Variants in MS4A15 observed in about 807,000 individuals in gnomAD.
MS4A15 encodes the protein membrane-spanning 4-domains subfamily A member 15.
MS4A15 carries 22 observed loss-of-function variants against 20.6 expected under a neutral mutation model. The ratio of observed to expected loss-of-function variants is 1.07; its 90% CI spans 0.76 to 1.52. MS4A15 has a LOEUF of 1.52. Ranked by LOEUF, MS4A15 falls within the 40% of genes most tolerant of loss-of-function variation. The pLI is 0.00. For missense variants in MS4A15, 312 were observed against 323.0 expected (o/e 0.97, Z 0.26); for synonymous variants, 129 against 129.3 (o/e 1.00, Z 0.02).
intron 1 of MS4A15, among the ~76,000 whole-genome samples, chr11:60,759,863 C>T (rs1853690166): frequency 6.6e-6 from 1 of 152,106 alleles, no homozygotes; most frequent in Admixed American, 6.6e-5. Context: ...GACCTTCTCC[C>T]CACCATCACC....
chr11:60,763,622 C>G, intron 1 of MS4A15, 84 bp from the exon 2 acceptor site: 1 of 1,157,572 alleles, frequency 8.6e-7, no homozygotes, highest in Non-Finnish European at 1.2e-6. Flanking sequence ...CTGCAGTAAG[C>G]AAGGGAAGTA....
intron 3 of MS4A15, among the ~76,000 whole-genome samples, chr11:60,768,844 C>T (rs1194500726): frequency 6.6e-6 from 1 of 152,144 alleles, no homozygotes; most frequent in South Asian, 2.1e-4. Flanking sequence ...AGTGTTGGTT[C>T]CAGAACCGAG....
At chr11:60,773,705 C>A in intron 5 of MS4A15, 132 bp from the exon 6 acceptor site, 1 of 834,748 alleles carries the variant, frequency 1.2e-6, no homozygotes, top group Non-Finnish European at 2.0e-6. Flanking sequence ...GCAGGACTGG[C>A]GGCAGGGGGA....
intron 1 of MS4A15, 59 bp from the exon 2 acceptor site, chr11:60,763,647 C>A: frequency 7.0e-7 from 1 of 1,421,630 alleles, no homozygotes; most frequent in South Asian, 1.2e-5. Context: ...CGTTGCTTAT[C>A]AACTAAAAAG....
chr11:60,773,336 C>T (rs1706575791), intron 4 of MS4A15, 56 bp from the exon 5 acceptor site: 1 of 1,477,938 alleles, frequency 6.8e-7, no homozygotes, highest in Admixed American at 1.9e-5. Context: ...ACAGCCCCTG[C>T]CTTTTCTCCT....
intron 1 of MS4A15, among the ~76,000 whole-genome samples, chr11:60,757,378 G>T (rs1005300152): frequency 6.6e-6 from 1 of 152,106 alleles, no homozygotes; most frequent in African/African-American, 2.4e-5. Context: ...CCTGGGCGCC[G>T]GTACACTCGG....
intron 5 of MS4A15, 117 bp from the exon 6 acceptor site, chr11:60,773,720 C>G: frequency 1.1e-6 from 1 of 914,008 alleles, no homozygotes; most frequent in South Asian, 1.4e-5. Flanking sequence ...GGGGGACTGG[C>G]TCCAGGCACA....
At chr11:60,763,993 T>C (rs368087188) in intron 2 of MS4A15, 35 bp downstream of exon 2, 158 of 1,566,864 alleles carry the variant, frequency 1.0e-4, no homozygotes, top group Non-Finnish European at 1.4e-4. Context: ...CTGAGGCAGG[T>C]AGTGAGTATC....
In MS4A15 at chr11:60,775,755, C is replaced by A. The variant is rs1287967408; in HGVS notation, c.*40C>A. ...ACCTGCGGGTGGAGTCCAGCCTTTT[C>A]CCTCTGGGCCCAGCCTCTCCCCACC... On this transcript the variant is annotated 3_prime_UTR_variant, in exon 7 of 7. Transcript: ENST00000405633. 1 of 1,532,900 alleles carries A rather than the reference C, an allele frequency of 6.5e-7. No homozygotes were observed. 95.0% of individuals were successfully genotyped at this position (1,532,900 alleles called of 1,614,324 possible). A position where few individuals can be genotyped will look rare whatever the true frequency, so the allele number is the denominator to read the frequency against.
intron 3 of MS4A15, among the ~76,000 whole-genome samples, 177 bp downstream of exon 3, chr11:60,767,832 A>G (rs1265369300): frequency 6.6e-6 from 1 of 152,134 alleles, no homozygotes; most frequent in African/African-American, 2.4e-5. Flanking sequence ...CGCTCACCAT[A>G]AACTTGAGCC....
At chr11:60,768,974 G>A (rs1012289241) in intron 3 of MS4A15, among the ~76,000 whole-genome samples, 1 of 152,172 alleles carries the variant, frequency 6.6e-6, no homozygotes, top group African/African-American at 2.4e-5. Context: ...TGGTCACCTG[G>A]CCATCCTTGG....
chr11:60,771,610 A>T lies in MS4A15; in HGVS notation c.405+263A>T, dbSNP rs1036162240. The T allele has an allele frequency of 5.4e-6, 8 of 1,489,880 alleles. No individual in the cohort carries two copies. In the African/African-American group the frequency reaches 9.7e-5, roughly 18 times the overall value. The allele number at this position is 1,489,880 out of a possible 1,614,324, so 92.3% of individuals were successfully genotyped here. On this transcript the variant is annotated intron_variant, in intron 4 of 6. Coordinates refer to ENST00000405633, the MANE Select transcript of MS4A15 (RefSeq NM_001098835.2). Reference sequence around the variant, plus strand: ...TCATGGTCATTCCGAGAAAGGAAAGATGCTAGAAGATCTCCTGTAAGAGTC... The same window carrying T: ...TCATGGTCATTCCGAGAAAGGAAAGTTGCTAGAAGATCTCCTGTAAGAGTC...
At chr11:60,771,435 C>G in intron 4 of MS4A15, 88 bp downstream of exon 4, 1 of 1,581,994 alleles carries the variant, frequency 6.3e-7, no homozygotes, top group Non-Finnish European at 8.6e-7. Context: ...CTCACTCCTT[C>G]AGCTCATTCC....
rs1854176571 is a variant in MS4A15 at position 60,775,709 on chromosome 11, C to G, written c.717C>G (p.Val239=). The G allele has an allele frequency of 1.9e-6, 3 of 1,612,688 alleles. No homozygotes were observed. Among genetic ancestry groups the G allele is most frequent in the Non-Finnish European group, 8.5e-7 (1 of 1,179,252 alleles). The part of the protein sequence containing the change: ...AYDNVAYAQG[V]V ...ACAATGTGGCATATGCCCAAGGAGT[C>G]GTCTGAGTAGCAGATGTGGCACCTG... The change falls in exon 7 of 7, where the codon GTC becomes GTG. Residue 239 remains valine, a synonymous_variant. Transcript: ENST00000405633.
chr11:60,766,606 C>T (rs574677236), intron 2 of MS4A15, among the ~76,000 whole-genome samples: 12 of 152,266 alleles, frequency 7.9e-5, no homozygotes, highest in African/African-American at 2.9e-4. Flanking sequence ...CCATGCTGTG[C>T]CCTGTGAGGA....
At chr11:60,758,560 G>A (rs555758060) in intron 1 of MS4A15, among the ~76,000 whole-genome samples, 11 of 152,146 alleles carry the variant, frequency 7.2e-5, no homozygotes, top group Admixed American at 1.3e-4. Context: ...AATAATGACC[G>A]GAACCACATA....
chr11:60,758,093 G>A (rs1407123166), intron 1 of MS4A15, among the ~76,000 whole-genome samples: 2 of 152,286 alleles, frequency 1.3e-5, no homozygotes, highest in African/African-American at 4.8e-5. Context: ...GTGGTGGAGT[G>A]AGTACAGTGA....
chr11:60,762,901 C>T (rs908444310), intron 1 of MS4A15, among the ~76,000 whole-genome samples: 5 of 152,106 alleles, frequency 3.3e-5, no homozygotes, highest in East Asian at 3.9e-4. Context: ...TAATAAGGAA[C>T]GCTGAAAACA....
chr11:60,771,722 C>A (rs968329259), intron 4 of MS4A15: 11 of 1,271,780 alleles, frequency 8.6e-6, no homozygotes, highest in Non-Finnish European at 1.0e-5. Flanking sequence ...AGGGTCGCCA[C>A]TGAAACCACG....
Sources: gnomAD v4.1 joint callset for allele counts (sites outside exome capture counted in the v4.1 genomes callset) on GRCh38, gnomAD v4.1.1 for gene constraint, MANE v1.5 for transcripts, NCBI Gene and HGNC (gene_info 2026-07-23, HGNC 2026-07-21) for gene names.